Variants in NKAIN2 observed in about 807,000 individuals in gnomAD.
NKAIN2 encodes sodium/potassium-transporting ATPase subunit beta-1-interacting protein 2.
NKAIN2 carries 14 observed loss-of-function variants against 32.6 expected under a neutral mutation model. The ratio of observed to expected loss-of-function variants is 0.43; its 90% CI spans 0.28 to 0.67. The LOEUF (loss-of-function observed/expected upper bound fraction) is 0.67, where lower values mean the gene tolerates loss of function less well. Among genes scored for constraint, NKAIN2 ranks in the 30% least tolerant of loss-of-function variants. The pLI is 0.17. For missense variants in NKAIN2, 198 were observed against 258.3 expected (o/e 0.77, Z 1.60); for synonymous variants, 80 against 87.2 (o/e 0.92, Z 0.46).
chr6:123,886,012 G>A (rs2114351125), intron 1 of NKAIN2, among the ~76,000 whole-genome samples: 1 of 149,550 alleles, frequency 6.7e-6, no homozygotes, highest in South Asian at 2.1e-4. Context: ...AAAAGAGGCA[G>A]TACACATGGT....
chr6:124,226,659 A>G (rs900189060), intron 1 of NKAIN2, among the ~76,000 whole-genome samples: 1 of 151,992 alleles, frequency 6.6e-6, no homozygotes, highest in Non-Finnish European at 1.5e-5. Flanking sequence ...GTGCTCCCAC[A>G]TCTCTCTCTT....
chr6:124,610,363 G>A (rs1165310676), intron 3 of NKAIN2, among the ~76,000 whole-genome samples: 2 of 152,148 alleles, frequency 1.3e-5, no homozygotes, highest in Non-Finnish European at 2.9e-5. Context: ...GATGTGCATG[G>A]GAGTTTATCC....
At chr6:124,457,488 A>G (rs149861887) in intron 3 of NKAIN2, among the ~76,000 whole-genome samples, 1,781 of 152,034 alleles carry the variant, frequency 0.012, 20 homozygotes, top group Non-Finnish European at 0.018. Flanking sequence ...TTCTCTAACC[A>G]CATATCCTTT....
chr6:124,017,362 G>A (rs1780626530), intron 1 of NKAIN2, among the ~76,000 whole-genome samples: 1 of 152,012 alleles, frequency 6.6e-6, no homozygotes, highest in African/African-American at 2.4e-5. Context: ...TCCTCTTGTG[G>A]CCCCACCCAA....
chr6:124,147,370 C>G (rs1787462030), intron 1 of NKAIN2, among the ~76,000 whole-genome samples: 1 of 151,894 alleles, frequency 6.6e-6, no homozygotes, highest in Non-Finnish European at 1.5e-5. Flanking sequence ...TGTTAAGGAT[C>G]ATTTCTAGAG....
At chr6:124,676,839 T>C (rs1454992358) in intron 4 of NKAIN2, among the ~76,000 whole-genome samples, 2 of 152,208 alleles carry the variant, frequency 1.3e-5, no homozygotes, top group Non-Finnish European at 2.9e-5. Flanking sequence ...TTGGTTAATA[T>C]TTGCATGGAG....
chr6:124,452,050 C>A (rs1419633924), intron 3 of NKAIN2, among the ~76,000 whole-genome samples: 2 of 151,936 alleles, frequency 1.3e-5, no homozygotes, highest in African/African-American at 2.4e-5. Flanking sequence ...TAAAAATTAT[C>A]CTGGTGCAGT....
intron 4 of NKAIN2, among the ~76,000 whole-genome samples, chr6:124,707,183 T>C (rs1274952472): frequency 6.6e-6 from 1 of 152,178 alleles, no homozygotes; most frequent in African/African-American, 2.4e-5. Context: ...TCATATTTTA[T>C]GGCTGCATAG....
chr6:124,610,736 T>C (rs1782658451), intron 3 of NKAIN2, among the ~76,000 whole-genome samples: 1 of 152,194 alleles, frequency 6.6e-6, no homozygotes, highest in South Asian at 2.1e-4. Context: ...CAACTTTTCC[T>C]ACTTCACACC....
At position 124,097,484 on chromosome 6, in the gene NKAIN2, A is replaced by G. The variant is rs149309470; in HGVS notation, c.55-185521A>G. ...TCATCTTAGATGGCACAAAAAAGAT[A>G]TTTCCAAATTAGATAGGCATAGTAC... On this transcript the variant is annotated intron_variant, in intron 1 of 6. Transcript: ENST00000368417. Among the ~76,000 whole-genome samples, 1,507 of 152,162 alleles carry G rather than the reference A, an allele frequency of 9.9e-3. 32 individuals are homozygous for G. Among genetic ancestry groups the G allele is most frequent in the African/African-American group, 0.034 (1,399 of 41,506 alleles).
At chr6:124,083,572 T>C (rs1784067300) in intron 1 of NKAIN2, among the ~76,000 whole-genome samples, 1 of 151,976 alleles carries the variant, frequency 6.6e-6, no homozygotes, top group Non-Finnish European at 1.5e-5. Context: ...ACTACTTCTT[T>C]ATAAAAATTT....
chr6:124,215,094 T>C (rs952688836), intron 1 of NKAIN2, among the ~76,000 whole-genome samples: 3 of 152,008 alleles, frequency 2.0e-5, no homozygotes, highest in African/African-American at 7.2e-5. Context: ...CAAAAGATAA[T>C]GATATTAAAA....
chr6:124,322,887 A>G (rs1270920277), intron 2 of NKAIN2, among the ~76,000 whole-genome samples: 1 of 152,190 alleles, frequency 6.6e-6, no homozygotes, highest in Non-Finnish European at 1.5e-5. Flanking sequence ...CATCCTCACC[A>G]GCTCTGAATG....
chr6:124,769,971 T>G (rs1699575377), intron 4 of NKAIN2, among the ~76,000 whole-genome samples: 1 of 152,020 alleles, frequency 6.6e-6, no homozygotes. Flanking sequence ...AATTCAAGAG[T>G]TAATCTCTTT....
intron 1 of NKAIN2, among the ~76,000 whole-genome samples, chr6:123,936,253 G>A (rs749752667): frequency 1.3e-5 from 2 of 152,164 alleles, no homozygotes; most frequent in Admixed American, 6.6e-5. Context: ...ATGCATTATA[G>A]GAAAAGAGAA....
intron 1 of NKAIN2, among the ~76,000 whole-genome samples, chr6:124,137,284 T>C (rs1466192962): frequency 6.6e-6 from 1 of 151,994 alleles, no homozygotes; most frequent in Admixed American, 6.6e-5. Flanking sequence ...ATAAATTACT[T>C]AGAAATATAC....
Position 124,658,186 on chromosome 6 carries a change from G to A in NKAIN2, c.274G>A (p.Glu92Lys), listed in dbSNP as rs771737968. The change falls in exon 4 of 7, where the codon GAA becomes AAA. Residue 92 changes from glutamate to lysine, a missense_variant and splice_region_variant. Transcript: ENST00000368417. Reference protein sequence around the residue: ...FYLEAGDLSKETDLILTFNIS... With the variant: ...FYLEAGDLSKKTDLILTFNIS... ...ATCCTTGTAAATTGCCTTCTTGCAG[G>A]AAACAGACCTTATCCTGACTTTTAA... The A allele has an allele frequency of 6.3e-7, 1 of 1,581,574 alleles. No homozygotes were observed. Among genetic ancestry groups the A allele is most frequent in the Non-Finnish European group, 8.6e-7 (1 of 1,160,774 alleles).
chr6:124,578,911 A>G lies in NKAIN2; in HGVS notation c.274-79275A>G, dbSNP rs544138578. ...GTGGAGAGAGAGAGACTCTTTGTTT[A>G]GGAGAAAATAAGGGAAGAGAATAAG... On this transcript the variant is annotated intron_variant, in intron 3 of 6. Transcript: ENST00000368417. 1.2e-4 allele frequency among the ~76,000 whole-genome samples: 18 copies of G among 152,274 alleles called. No individual in the cohort carries two copies. The East Asian group carries it at 3.1e-3, about 26-fold the overall frequency.
At chr6:124,269,906 C>T (rs139561112) in intron 1 of NKAIN2, among the ~76,000 whole-genome samples, 6 of 152,228 alleles carry the variant, frequency 3.9e-5, no homozygotes, top group Admixed American at 2.0e-4. Flanking sequence ...ATTTCATCTC[C>T]CATCCTTATG....
Sources: allele counts gnomAD v4.1 joint callset (sites outside exome capture counted in the v4.1 genomes callset), GRCh38; gene constraint gnomAD v4.1.1; transcripts MANE v1.5; gene names NCBI Gene and HGNC (gene_info 2026-07-23, HGNC 2026-07-21).